The following SAMSN1 variants were observed in gnomAD, a reference collection of about 807,000 sequenced individuals.
SAMSN1 encodes SAM domain-containing protein SAMSN-1.
Under a neutral mutation model 42.0 loss-of-function variants are expected in SAMSN1, and 31 were observed. That is an observed-to-expected ratio of 0.74 (90% CI 0.55 to 1.00). The LOEUF (loss-of-function observed/expected upper bound fraction) is 1.00. Ranked by LOEUF, SAMSN1 falls within the 50% of genes least tolerant of loss-of-function variation. The probability of loss-of-function intolerance (pLI) is 0.00; values close to 1 mark genes in which losing one functional copy is unlikely to be tolerated. For missense variants in SAMSN1, 464 were observed against 439.4 expected (o/e 1.06, Z -0.50); for synonymous variants, 178 against 151.9 (o/e 1.17, Z -1.26).
upstream of SAMSN1, chr21:14,658,897 C>G: frequency 1.5e-6 from 1 of 656,974 alleles, no homozygotes; most frequent in Non-Finnish European, 2.8e-6. Context: ...AAATCCCTGC[C>G]ATAATCCAGG....
intron 2 of SAMSN1, 90 bp from the exon 3 acceptor site, chr21:14,517,131 G>T: frequency 7.8e-7 from 1 of 1,280,598 alleles, no homozygotes; most frequent in Non-Finnish European, 1.1e-6. Context: ...TTCTGAGTTT[G>T]TGGATTTTGC....
intron 2 of SAMSN1, among the ~76,000 whole-genome samples, chr21:14,569,387 C>A (rs1556281): frequency 6.6e-6 from 1 of 151,898 alleles, no homozygotes; most frequent in Non-Finnish European, 1.5e-5. Flanking sequence ...TCATTTTGGC[C>A]GACTGCTGTT....
intron 2 of SAMSN1, among the ~76,000 whole-genome samples, chr21:14,555,415 G>A (rs1325184163): frequency 6.6e-6 from 1 of 152,008 alleles, no homozygotes; most frequent in Non-Finnish European, 1.5e-5. Flanking sequence ...CCTTCACCCT[G>A]CCTTTTAAAA....
At chr21:14,653,713 A>T (rs1983870629) in intron 1 of SAMSN1, among the ~76,000 whole-genome samples, 1 of 152,002 alleles carries the variant, frequency 6.6e-6, no homozygotes, top group Non-Finnish European at 1.5e-5. Flanking sequence ...ATTCTCCATG[A>T]TGTGCTTATT....
At chr21:14,493,965 G>C (rs1370517107) in intron 7 of SAMSN1, among the ~76,000 whole-genome samples, 1 of 152,230 alleles carries the variant, frequency 6.6e-6, no homozygotes, top group African/African-American at 2.4e-5. Context: ...CCTTTCATCA[G>C]CTTGTTGGAG....
chr21:14,617,562 A>G (rs1982872550), intron 2 of SAMSN1, among the ~76,000 whole-genome samples: 1 of 152,176 alleles, frequency 6.6e-6, no homozygotes, highest in African/African-American at 2.4e-5. Flanking sequence ...ATCGGGACCA[A>G]ATATGTCTCA....
intron 2 of SAMSN1, chr21:14,642,905 CAG>C: frequency 1.7e-6 from 1 of 593,944 alleles, no homozygotes; most frequent in Non-Finnish European, 3.1e-6. Context: ...TTTCTGAGAA[CAG>C]TGAATTTTTG....
At chr21:14,638,637 T>C (rs1983523022) in intron 2 of SAMSN1, among the ~76,000 whole-genome samples, 1 of 152,238 alleles carries the variant, frequency 6.6e-6, no homozygotes, top group South Asian at 2.1e-4. Flanking sequence ...CAGTCCCTAC[T>C]GTAGAGTGAA....
chr21:14,637,626 T>C (rs1754476950), intron 2 of SAMSN1, among the ~76,000 whole-genome samples: 1 of 152,182 alleles, frequency 6.6e-6, no homozygotes, highest in Non-Finnish European at 1.5e-5. Flanking sequence ...CAGCAAAGAT[T>C]TTGTGTATCA....
At chr21:14,502,094 A>C (rs1987185749) in intron 5 of SAMSN1, among the ~76,000 whole-genome samples, 1 of 152,224 alleles carries the variant, frequency 6.6e-6, no homozygotes, top group African/African-American at 2.4e-5. Flanking sequence ...CAAACAAACT[A>C]AGCATCAAGC....
chr21:14,642,500 A>T (rs459879), intron 2 of SAMSN1, among the ~76,000 whole-genome samples: 65,907 of 152,052 alleles, frequency 0.43, 17,051 homozygotes, highest in Non-Finnish European at 0.57. Context: ...ATATTCAGAT[A>T]CTGCAAACCT....
Position 14,579,641 on chromosome 21 carries a change from C to CTTTTTTTTTTT in SAMSN1, c.261+2484_261+2494dup, listed in dbSNP as rs1247868810. On this transcript the variant is annotated intron_variant, in intron 2 of 8. Coordinates refer to the SAMSN1 transcript ENST00000285670. Reference sequence around the variant, plus strand: ...TGCACTTCATGTTAGAAAATGCTCACTTTTTTTTTTTTTTTTTTTTTTTGG... The same window carrying CTTTTTTTTTTT: ...TGCACTTCATGTTAGAAAATGCTCACTTTTTTTTTTTTTTTTTTTTTTTTTTTTTTTTTTGG... 1.6e-4 allele frequency among the ~76,000 whole-genome samples: 14 copies of CTTTTTTTTTTT among 89,140 alleles called. 1 individual carries two copies. Among genetic ancestry groups the CTTTTTTTTTTT allele is most frequent in the African/African-American group, 6.7e-4 (14 of 20,786 alleles). 58.5% of individuals were successfully genotyped at this position (89,140 alleles called of 152,430 possible). A position where few individuals can be genotyped will look rare whatever the true frequency, so the allele number is the denominator to read the frequency against.
At chr21:14,524,461 T>A (rs892156552) in intron 1 of SAMSN1, among the ~76,000 whole-genome samples, 1 of 152,168 alleles carries the variant, frequency 6.6e-6, no homozygotes, top group Non-Finnish European at 1.5e-5. Context: ...TCATATTTAG[T>A]CTTTATACTC....
upstream of SAMSN1, among the ~76,000 whole-genome samples, chr21:14,549,857 C>G (rs1980541763): frequency 6.6e-6 from 1 of 151,590 alleles, no homozygotes. Context: ...GAATTTTATT[C>G]AAAGAAGTTG....
chr21:14,503,640 G>A lies in SAMSN1; in HGVS notation c.562-2905C>T, dbSNP rs532888602. Among the ~76,000 whole-genome samples the A allele has an allele frequency of 2.6e-5, 4 of 152,234 alleles. No homozygotes were observed. The South Asian group carries it at 8.3e-4, about 32-fold the overall frequency. On this transcript the variant is annotated intron_variant, in intron 5 of 7. Coordinates refer to ENST00000400566, the MANE Select transcript of SAMSN1 (RefSeq NM_022136.5). The stretch of plus-strand genomic sequence containing the variant: ...CAGGAGGGAATATCACCAGGAGAAA[G>A]GTCTCTGGTTACTCATAGCAACCAA...
intron 1 of SAMSN1, among the ~76,000 whole-genome samples, chr21:14,522,519 T>G (rs1978559158): frequency 6.6e-6 from 1 of 152,222 alleles, no homozygotes; most frequent in Non-Finnish European, 1.5e-5. Flanking sequence ...TATAAAACTT[T>G]GTACAACAAG....
chr21:14,494,009 G>C (rs1190169486), intron 7 of SAMSN1, among the ~76,000 whole-genome samples: 1 of 152,112 alleles, frequency 6.6e-6, no homozygotes, highest in Non-Finnish European at 1.5e-5. Flanking sequence ...CAGTGACCTA[G>C]ATACCATCTC....
At chr21:14,641,008 T>A (rs1292579) in intron 2 of SAMSN1, among the ~76,000 whole-genome samples, 1 of 9,402 alleles carries the variant, frequency 1.1e-4, no homozygotes, top group Admixed American at 2.0e-3. Context: ...CATATTTACT[T>A]AAATGTGTGA....
intron 2 of SAMSN1, among the ~76,000 whole-genome samples, chr21:14,624,858 C>G (rs1044372163): frequency 6.6e-6 from 1 of 152,188 alleles, no homozygotes. Flanking sequence ...CCTTGATGAA[C>G]ATCGATGTAA....
Sources: allele counts gnomAD v4.1 joint callset (sites outside exome capture counted in the v4.1 genomes callset), GRCh38; gene constraint gnomAD v4.1.1; transcripts MANE v1.5; gene names NCBI Gene and HGNC (gene_info 2026-07-23, HGNC 2026-07-21).